The following PRELID2 variants were observed in gnomAD, a reference collection of about 807,000 sequenced individuals.
PRELID2 encodes the protein PRELI domain-containing protein 2.
In PRELID2, 25 loss-of-function variants were observed where a neutral mutation model predicts 28.4. The observed-to-expected ratio is 0.88, with a 90% confidence interval of 0.64 to 1.23. The LOEUF is 1.23. Among genes scored for constraint, PRELID2 ranks in the 50% most tolerant of loss-of-function variants. PRELID2 has a pLI of 0.00. For synonymous variants in PRELID2, 76 were observed against 71.6 expected (o/e 1.06, Z -0.31); for missense variants, 201 against 214.4 (o/e 0.94, Z 0.39).
intron 1 of PRELID2, among the ~76,000 whole-genome samples, chr5:145,730,362 T>C (rs1490023086): frequency 6.6e-6 from 1 of 152,122 alleles, no homozygotes; most frequent in Non-Finnish European, 1.5e-5. Context: ...ATGCCCGTAA[T>C]GTAGAAAGCA....
the PRELID2 span, among the ~76,000 whole-genome samples, chr5:145,271,220 T>C: frequency 6.6e-6 from 1 of 152,068 alleles, no homozygotes; most frequent in Non-Finnish European, 1.5e-5. Flanking sequence ...ATCATGTCCC[T>C]AAGGCAAATT....
rs542874319 is a variant in PRELID2 at position 145,547,865 on chromosome 5, A to G, written n.71-74550T>C. 3.9e-5 allele frequency among the ~76,000 whole-genome samples: 6 copies of G among 152,326 alleles called. No homozygotes were observed. In the East Asian group the frequency reaches 1.2e-3, roughly 29 times the overall value. The stretch of plus-strand genomic sequence containing the variant: ...TAGTCATACAGAGATCATCTGCCAA[A>G]TGCAATGTTCTTTTCTTTTTCAAGA... On this transcript the variant is annotated intron_variant and non_coding_transcript_variant, in intron 1 of 2. Coordinates refer to the PRELID2 transcript ENST00000510259.
the PRELID2 span, among the ~76,000 whole-genome samples, chr5:145,311,886 G>A: frequency 8.6e-5 from 13 of 152,022 alleles, no homozygotes; most frequent in East Asian, 1.9e-4. Context: ...GAAGGGGCCC[G>A]TGGTTCCGCA....
the PRELID2 span, among the ~76,000 whole-genome samples, chr5:145,441,861 C>A: frequency 1.3e-5 from 2 of 152,106 alleles, no homozygotes; most frequent in Admixed American, 6.6e-5. Context: ...CCACTAGAAC[C>A]AACCTCCCCA....
chr5:145,430,920 A>G, the PRELID2 span, among the ~76,000 whole-genome samples: 18 of 150,702 alleles, frequency 1.2e-4, no homozygotes, highest in South Asian at 3.6e-3. Flanking sequence ...CAGAGTGCTC[A>G]CTGGAGGAAT....
At chr5:145,484,944 C>G (rs554245737) in intron 1 of PRELID2, among the ~76,000 whole-genome samples, 3 of 152,096 alleles carry the variant, frequency 2.0e-5, no homozygotes, top group Middle Eastern at 3.2e-3. Context: ...GAGCTACTAC[C>G]AGGGGCTCTT....
intron 1 of PRELID2, among the ~76,000 whole-genome samples, chr5:145,553,838 G>C (rs1752858365): frequency 6.6e-6 from 1 of 152,134 alleles, no homozygotes; most frequent in Non-Finnish European, 1.5e-5. Context: ...TGAAAGCAGG[G>C]AAACTGGAAT....
chr5:145,294,604 C>T, the PRELID2 span, among the ~76,000 whole-genome samples: 1 of 152,012 alleles, frequency 6.6e-6, no homozygotes, highest in South Asian at 2.1e-4. Context: ...TTTTATTGGA[C>T]ACCCGCTAAA....
At chr5:145,742,248 TAAATAAAATATATATTTTTAATAC>T (rs1271130103) in intron 1 of PRELID2, among the ~76,000 whole-genome samples, 5 of 140,586 alleles carry the variant, frequency 3.6e-5, no homozygotes, top group Non-Finnish European at 6.1e-5. Flanking sequence ...TATTTTTATA[TAAATAAAATATATATTTTTAATAC>T]AAATAAAATA....
intron 5 of PRELID2, among the ~76,000 whole-genome samples, chr5:145,792,573 T>C (rs890777033): frequency 2.0e-5 from 3 of 152,188 alleles, no homozygotes; most frequent in Admixed American, 1.3e-4. Flanking sequence ...TAAGGCACAG[T>C]CTCTATCTTG....
At chr5:145,648,968 ACTTTGAGTAC>A (rs1754242580) in intron 1 of PRELID2, among the ~76,000 whole-genome samples, 1 of 152,082 alleles carries the variant, frequency 6.6e-6, no homozygotes, top group Non-Finnish European at 1.5e-5. Flanking sequence ...TAGAAACCAT[ACTTTGAGTAC>A]CTATCAAAGC....
intron 1 of PRELID2, among the ~76,000 whole-genome samples, chr5:145,719,556 T>A (rs1035774650): frequency 6.6e-6 from 1 of 151,950 alleles, no homozygotes; most frequent in Non-Finnish European, 1.5e-5. Context: ...CATATATTTA[T>A]ACATAATGAC....
the PRELID2 span, among the ~76,000 whole-genome samples, chr5:145,406,510 A>G: frequency 1.3e-5 from 2 of 152,186 alleles, no homozygotes; most frequent in Admixed American, 6.6e-5. Flanking sequence ...AATTGTATAT[A>G]TTTTTGTGTA....
At position 145,816,076 on chromosome 5, in the gene PRELID2, C is replaced by CTTT. The variant is rs1191298938; in HGVS notation, c.368+1815_368+1817dup. On this transcript the variant is annotated intron_variant, in intron 4 of 6. Transcript: ENST00000683046. The stretch of plus-strand genomic sequence containing the variant: ...ACAACCAATCCTTGTTATTGTGTGT[C>CTTT]TTTTTTTTTTTTTTTTTTTTTTTTT... 1.5e-3 allele frequency among the ~76,000 whole-genome samples: 136 copies of CTTT among 89,048 alleles called. 8 individuals are homozygous for CTTT. Among genetic ancestry groups the CTTT allele is most frequent in the African/African-American group, 5.4e-3 (114 of 21,308 alleles). 58.4% of individuals were successfully genotyped at this position (89,048 alleles called of 152,430 possible).
chr5:145,403,152 C>T, the PRELID2 span, among the ~76,000 whole-genome samples: 1 of 152,188 alleles, frequency 6.6e-6, no homozygotes, highest in African/African-American at 2.4e-5. Flanking sequence ...TGAGGAGTCA[C>T]TGGGGAACCA....
chr5:145,595,050 C>T (rs983275425), intron 1 of PRELID2, among the ~76,000 whole-genome samples: 1 of 151,818 alleles, frequency 6.6e-6, no homozygotes, highest in African/African-American at 2.4e-5. Context: ...ATTGCTTGAA[C>T]CCAGGAGGCA....
the PRELID2 span, among the ~76,000 whole-genome samples, chr5:145,261,650 C>A: frequency 6.6e-6 from 1 of 152,248 alleles, no homozygotes; most frequent in African/African-American, 2.4e-5. Context: ...GGGAGAGCAC[C>A]AAATCAAGGG....
chr5:145,676,118 G>T (rs1162029242), intron 1 of PRELID2, among the ~76,000 whole-genome samples: 1 of 151,566 alleles, frequency 6.6e-6, no homozygotes. Flanking sequence ...TACTAGAGAG[G>T]CTGAGGTAGG....
chr5:145,741,078 AAAT>A (rs1756704679), intron 1 of PRELID2, among the ~76,000 whole-genome samples: 1 of 118,628 alleles, frequency 8.4e-6, no homozygotes, highest in Admixed American at 9.9e-5. Context: ...ATTTATGTAT[AAAT>A]AAAATAAATA....
Sources: gnomAD v4.1 joint callset for allele counts (sites outside exome capture counted in the v4.1 genomes callset) on GRCh38, gnomAD v4.1.1 for gene constraint, MANE v1.5 for transcripts, NCBI Gene and HGNC (gene_info 2026-07-23, HGNC 2026-07-21) for gene names.